The following KCNK10 variants were observed in gnomAD, a reference collection of about 807,000 sequenced individuals.
The protein encoded by KCNK10 is potassium two pore domain channel subfamily K member 10, also known as potassium channel subfamily K member 10.
A neutral mutation model predicts 47.7 loss-of-function variants in KCNK10; 25 were observed. That is an observed-to-expected ratio of 0.52 (90% CI 0.38 to 0.73). KCNK10 has a LOEUF of 0.73. Ranked by LOEUF, KCNK10 falls within the 30% of genes least tolerant of loss-of-function variation. The probability of loss-of-function intolerance (pLI) is 0.00; values close to 1 mark genes in which losing one functional copy is unlikely to be tolerated. For synonymous variants in KCNK10, 303 were observed against 285.6 expected, an observed-to-expected ratio of 1.06 and a Z score of -0.61; for missense variants, 563 against 714.5, an observed-to-expected ratio of 0.79 and a Z score of 2.42.
chr14:88,198,054 C>T (rs1013461606), intron 4 of KCNK10, among the ~76,000 whole-genome samples: 1 of 152,058 alleles, frequency 6.6e-6, no homozygotes, highest in Non-Finnish European at 1.5e-5. Context: ...ACCTAGGTGA[C>T]CAAATATATC....
intron 2 of KCNK10, among the ~76,000 whole-genome samples, chr14:88,253,588 C>G (rs1489535176): frequency 1.3e-5 from 2 of 151,932 alleles, no homozygotes; most frequent in Non-Finnish European, 1.5e-5. Context: ...ATCTGAAACT[C>G]TATTTGGAAA....
intron 1 of KCNK10, among the ~76,000 whole-genome samples, chr14:88,306,947 C>T (rs559171893): frequency 6.6e-6 from 1 of 152,140 alleles, no homozygotes; most frequent in Non-Finnish European, 1.5e-5. Context: ...AACCATATCC[C>T]CCTCAAGGTA....
chr14:88,239,143 C>T (rs758500757), intron 3 of KCNK10, among the ~76,000 whole-genome samples: 2 of 151,918 alleles, frequency 1.3e-5, no homozygotes, highest in East Asian at 1.9e-4. Flanking sequence ...GAGCACACGA[C>T]GTTGGAAAAA....
At chr14:88,307,653 T>C (rs146029112) in intron 1 of KCNK10, among the ~76,000 whole-genome samples, 7 of 152,324 alleles carry the variant, frequency 4.6e-5, no homozygotes, top group Admixed American at 2.0e-4. Flanking sequence ...AAAATAGATA[T>C]GGAGTCCTTG....
chr14:88,311,859 G>A (rs1430402882), intron 1 of KCNK10, among the ~76,000 whole-genome samples: 2 of 149,562 alleles, frequency 1.3e-5, no homozygotes, highest in Non-Finnish European at 3.0e-5. Flanking sequence ...AGGGATGGGG[G>A]AATTTCTGGA....
intron 4 of KCNK10, among the ~76,000 whole-genome samples, chr14:88,226,014 T>A (rs1885972894): frequency 6.6e-6 from 1 of 152,168 alleles, no homozygotes; most frequent in African/African-American, 2.4e-5. Context: ...ACCACAGAGC[T>A]CCTCAGATGA....
intron 3 of KCNK10, among the ~76,000 whole-genome samples, chr14:88,234,726 C>G (rs920897400): frequency 2.6e-5 from 4 of 152,200 alleles, no homozygotes; most frequent in Admixed American, 1.3e-4. Context: ...GGGTGTCTCT[C>G]CTGCTTCTGA....
At chr14:88,312,396 C>T (rs1455433808) in intron 1 of KCNK10, among the ~76,000 whole-genome samples, 2 of 152,180 alleles carry the variant, frequency 1.3e-5, no homozygotes, top group East Asian at 1.9e-4. Flanking sequence ...GTGTGTTTGC[C>T]GTCACCCCCA....
In KCNK10 at chr14:88,180,761, G is replaced by T; in HGVS notation, c.*4774C>A. On this transcript the variant is annotated 3_prime_UTR_variant, in exon 7 of 7. Coordinates refer to ENST00000319231, the MANE Select transcript of KCNK10 (RefSeq NM_138317.3). ...GGCATGAGAGAACTGAGGTTTACATGGAGTATGGATGGGTTGGTGAAGTCC... is the reference window on the plus strand; with the variant it reads ...GGCATGAGAGAACTGAGGTTTACATTGAGTATGGATGGGTTGGTGAAGTCC... The T allele has an allele frequency of 2.5e-6, 1 of 398,728 alleles. No individual in the cohort carries two copies. The highest frequency in any genetic ancestry group is 6.3e-4 in the Middle Eastern group (1 of 1,588). The allele number at this position is 398,728 out of a possible 1,614,324, so 24.7% of individuals were successfully genotyped here.
intron 1 of KCNK10, among the ~76,000 whole-genome samples, chr14:88,290,299 A>C (rs900637520): frequency 6.6e-6 from 1 of 152,164 alleles, no homozygotes; most frequent in African/African-American, 2.4e-5. Context: ...GAAGCTGGAA[A>C]AGGCAAGGGA....
At position 88,227,386 on chromosome 14, in the gene KCNK10, T is replaced by C. The variant is rs759501937; in HGVS notation, c.670A>G (p.Lys224Glu). ...GACACAGTACTCACTCGAAAGACCTTCTCCACTCTTGCAATGCTTTTCCCA... is the reference window on the plus strand; with the variant it reads ...GACACAGTACTCACTCGAAAGACCTCCTCCACTCTTGCAATGCTTTTCCCA... ...IFGKSIARVEKVFRKKQVSQT... is the reference protein window; with the variant it reads ...IFGKSIARVEEVFRKKQVSQT... Residue 224 changes from lysine (K) to glutamate (E), a missense_variant, in exon 4 of 7, where the codon AAG becomes GAG. By Grantham distance (56) the Lys-to-Glu change is moderately conservative (BLOSUM62 1). Coordinates refer to ENST00000319231, the MANE Select transcript of KCNK10 (RefSeq NM_138317.3). The C allele has an allele frequency of 6.2e-7, 1 of 1,610,690 alleles. No homozygotes were observed. Among genetic ancestry groups the C allele is most frequent in the Non-Finnish European group, 8.5e-7 (1 of 1,178,860 alleles).
chr14:88,301,784 CAGCCAGCACTCAGGGTGCTGCA>C (rs1888105714), intron 1 of KCNK10, among the ~76,000 whole-genome samples: 1 of 152,122 alleles, frequency 6.6e-6, no homozygotes, highest in Admixed American at 6.5e-5. Context: ...GAGGTCAGCA[CAGCCAGCACTCAGGGTGCTGCA>C]GGCCAGCACC....
At chr14:88,324,264 G>C (rs1888616973), upstream of KCNK10, among the ~76,000 whole-genome samples, 1 of 152,222 alleles carries the variant, frequency 6.6e-6, no homozygotes, top group Admixed American at 6.5e-5. Context: ...AAGCCCCACA[G>C]GGGTTTGTGG....
intron 2 of KCNK10, among the ~76,000 whole-genome samples, chr14:88,242,454 GACT>G (rs1261449314): frequency 2.0e-4 from 30 of 152,184 alleles, no homozygotes; most frequent in African/African-American, 7.2e-4. Context: ...AGATTTGGCA[GACT>G]CATAGACAAT....
At chr14:88,232,380 A>G (rs1886181912) in intron 3 of KCNK10, among the ~76,000 whole-genome samples, 1 of 152,208 alleles carries the variant, frequency 6.6e-6, no homozygotes, top group African/African-American at 2.4e-5. Flanking sequence ...CCTGACTCCT[A>G]ACTAGTGGAA....
At chr14:88,326,493 C>T (rs1173333899), upstream of KCNK10, 1 of 1,568,254 alleles carries the variant, frequency 6.4e-7, no homozygotes, top group Non-Finnish European at 8.8e-7. Context: ...CTGTCTCCCT[C>T]TGTGCCGCCG....
chr14:88,281,508 G>T (rs1386976902), intron 1 of KCNK10, among the ~76,000 whole-genome samples: 1 of 152,068 alleles, frequency 6.6e-6, no homozygotes, highest in Non-Finnish European at 1.5e-5. Flanking sequence ...CCCTGAGTAA[G>T]AGAGAATTCT....
chr14:88,196,287 C>T (rs561388983), intron 4 of KCNK10, among the ~76,000 whole-genome samples: 16 of 152,266 alleles, frequency 1.1e-4, no homozygotes, highest in African/African-American at 3.4e-4. Flanking sequence ...AAGTAAGCTT[C>T]GTAAACAGGA....
chr14:88,225,223 T>G (rs1396655034), intron 4 of KCNK10, among the ~76,000 whole-genome samples: 2 of 152,246 alleles, frequency 1.3e-5, no homozygotes, highest in African/African-American at 2.4e-5. Flanking sequence ...TTCGTATATT[T>G]AGGAAGTGTG....
Sources: allele counts gnomAD v4.1 joint callset (sites outside exome capture counted in the v4.1 genomes callset), GRCh38; gene constraint gnomAD v4.1.1; transcripts MANE v1.5; gene names NCBI Gene and HGNC (gene_info 2026-07-23, HGNC 2026-07-21).